ALK: variants seen among roughly 807,000 people sequenced by gnomAD.
The protein encoded by ALK is ALK receptor tyrosine kinase.
In ALK, 74 loss-of-function variants were observed where a neutral mutation model predicts 163.1. The observed-to-expected ratio is 0.45, with a 90% CI of 0.38 to 0.55. ALK has a LOEUF of 0.55. Ranked by LOEUF, ALK falls within the 20% of genes least tolerant of loss-of-function variation. The pLI is 0.00. For missense variants in ALK, 2,063 were observed against 2,105.3 expected, an observed-to-expected ratio of 0.98 and a Z score of 0.39; for synonymous variants, 960 against 843.2, an observed-to-expected ratio of 1.14 and a Z score of -2.40.
At position 29,275,412 on chromosome 2, in the gene ALK, G is replaced by A. The variant is rs1215374113; in HGVS notation, c.1902C>T (p.Cys634=). 6.2e-7 allele frequency: 1 copy of A among 1,614,122 alleles called. No individual in the cohort carries two copies. The highest frequency in any genetic ancestry group is 8.5e-7 in the Non-Finnish European group (1 of 1,179,998). Residue 634 remains cysteine, a synonymous_variant, in exon 10 of 29, where the codon TGC becomes TGT. Coordinates refer to ENST00000389048, the MANE Select transcript of ALK (RefSeq NM_004304.5). ...TCAGAGTGAACTCACTGGTGAGGTA[G>A]CAGTCCAGGCTGATGGAGATATTGT... ...AFDNISISLD[C]YLTISGEDKI...
At chr2:29,383,707 G>T (rs1573303266) in intron 5 of ALK, 25 bp downstream of exon 5, 1 of 1,613,934 alleles carries the variant, frequency 6.2e-7, no homozygotes, top group South Asian at 1.1e-5. Flanking sequence ...CTACCAAGGA[G>T]CGTGGGAAAG....
chr2:29,238,093 G>T (rs1664428713), intron 13 of ALK, among the ~76,000 whole-genome samples: 2 of 152,224 alleles, frequency 1.3e-5, no homozygotes, highest in African/African-American at 4.8e-5. Flanking sequence ...TTCCAGCACA[G>T]GAGCTCCAGT....
intron 5 of ALK, among the ~76,000 whole-genome samples, chr2:29,352,757 G>C (rs942549396): frequency 6.6e-6 from 1 of 152,228 alleles, no homozygotes; most frequent in African/African-American, 2.4e-5. Flanking sequence ...TGAGGAATAA[G>C]AGGGTTTGTG....
intron 1 of ALK, among the ~76,000 whole-genome samples, chr2:29,853,320 G>C (rs550955193): frequency 6.6e-6 from 1 of 152,070 alleles, no homozygotes; most frequent in East Asian, 1.9e-4. Flanking sequence ...CCCCACACCA[G>C]TCTTACCCAT....
chr2:29,253,578 T>C (rs1378231943), intron 11 of ALK, among the ~76,000 whole-genome samples: 1 of 151,838 alleles, frequency 6.6e-6, no homozygotes, highest in Non-Finnish European at 1.5e-5. Flanking sequence ...TGAATATGGA[T>C]CCCGTGCCAA....
chr2:29,896,219 G>A (rs191366251), intron 1 of ALK, among the ~76,000 whole-genome samples: 7 of 152,302 alleles, frequency 4.6e-5, no homozygotes, highest in East Asian at 3.9e-4. Context: ...GTTGACATTT[G>A]AGTGGAGACT....
chr2:29,290,630 C>T (rs1472811238), intron 9 of ALK, among the ~76,000 whole-genome samples: 1 of 152,198 alleles, frequency 6.6e-6, no homozygotes, highest in Non-Finnish European at 1.5e-5. Context: ...TCCTGTTGAT[C>T]CTTACAGCAG....
chr2:29,571,639 T>G (rs1674376241), intron 3 of ALK, among the ~76,000 whole-genome samples: 1 of 133,384 alleles, frequency 7.5e-6, no homozygotes, highest in South Asian at 2.4e-4. Flanking sequence ...TTTTTTGAGA[T>G]GTTGTCTCAT....
intron 1 of ALK, among the ~76,000 whole-genome samples, chr2:29,894,144 C>T (rs1021990230): frequency 2.0e-5 from 3 of 152,140 alleles, no homozygotes; most frequent in Admixed American, 1.3e-4. Flanking sequence ...GATCAAGAAA[C>T]CCAGAGAGAA....
At chr2:29,707,918 A>C (rs754270693) in intron 2 of ALK, among the ~76,000 whole-genome samples, 3 of 152,200 alleles carry the variant, frequency 2.0e-5, no homozygotes, top group Non-Finnish European at 4.4e-5. Context: ...GTAGTGGCTG[A>C]AGGTAATACA....
chr2:29,721,481 CT>C (rs1441892936), intron 1 of ALK, among the ~76,000 whole-genome samples: 3 of 152,202 alleles, frequency 2.0e-5, no homozygotes, highest in African/African-American at 4.8e-5. Context: ...CACTCTCTCT[CT>C]TTCCAATACA....
At chr2:29,438,322 T>G (rs1183086151) in intron 4 of ALK, among the ~76,000 whole-genome samples, 1 of 152,240 alleles carries the variant, frequency 6.6e-6, no homozygotes, top group African/African-American at 2.4e-5. Flanking sequence ...CAGGTCATCT[T>G]GTTCCATATA....
At position 29,234,149 on chromosome 2, in the gene ALK, A is replaced by C. The variant is rs148348241; in HGVS notation, c.2356-453T>G. ...CTTTGGCCCAGAAGTCTATCAGGAC[A>C]GAGAGATTGTCCAGGACCTGTTTCG... On this transcript the variant is annotated intron_variant, in intron 13 of 28. Transcript: ENST00000389048. Among the ~76,000 whole-genome samples, 681 of 152,264 alleles carry C rather than the reference A, an allele frequency of 4.5e-3. 1 individual carries two copies. The highest frequency in any genetic ancestry group is 7.3e-3 in the Non-Finnish European group (495 of 68,010).
chr2:29,220,554 T>G (rs937500155), intron 23 of ALK, 152 bp downstream of exon 23: 4 of 1,097,356 alleles, frequency 3.6e-6, no homozygotes, highest in Non-Finnish European at 5.3e-6. Flanking sequence ...TCCATTCTCT[T>G]CCAGCCAGTC....
intron 8 of ALK, among the ~76,000 whole-genome samples, chr2:29,303,704 A>AAAAAAG (rs112141137): frequency 1.1e-4 from 17 of 152,220 alleles, no homozygotes; most frequent in African/African-American, 3.4e-4. Context: ...ACAGAGCCAT[A>AAAAAAG]AAAAAGAAAG....
chr2:29,460,427 T>G (rs572920281), intron 4 of ALK, among the ~76,000 whole-genome samples: 29 of 152,288 alleles, frequency 1.9e-4, no homozygotes, highest in Non-Finnish European at 7.4e-5. Context: ...GACATTACAT[T>G]TTTTACAAAC....
chr2:29,333,124 GT>G (rs1267250780), intron 5 of ALK, among the ~76,000 whole-genome samples: 1 of 148,050 alleles, frequency 6.8e-6, no homozygotes, highest in Non-Finnish European at 1.5e-5. Flanking sequence ...TTGTTTTTTT[GT>G]TTTTTTTTGA....
intron 3 of ALK, among the ~76,000 whole-genome samples, chr2:29,622,568 G>A (rs1344096242): frequency 6.6e-6 from 1 of 152,126 alleles, no homozygotes; most frequent in East Asian, 1.9e-4. Context: ...AGATTTGGGT[G>A]GGGACACAGC....
chr2:29,340,584 T>C (rs1444819254), intron 5 of ALK, among the ~76,000 whole-genome samples: 2 of 152,242 alleles, frequency 1.3e-5, no homozygotes, highest in South Asian at 2.1e-4. Flanking sequence ...TCAATCATCA[T>C]AGCAATAGCT....
Sources: allele counts gnomAD v4.1 joint callset (sites outside exome capture counted in the v4.1 genomes callset), GRCh38; gene constraint gnomAD v4.1.1; transcripts MANE v1.5; gene names NCBI Gene and HGNC (gene_info 2026-07-23, HGNC 2026-07-21).